Variants in UGT1A4 observed in about 807,000 individuals in gnomAD.
UGT1A4 encodes UDP-glucuronosyltransferase 1A4.
UGT1A4 carries 32 observed loss-of-function variants against 41.1 expected under a neutral mutation model. That is an observed-to-expected ratio of 0.78 (90% CI 0.59 to 1.05). The LOEUF is 1.05. Ranked by LOEUF, UGT1A4 falls within the 50% of genes least tolerant of loss-of-function variation. UGT1A4 has a pLI of 0.00. For synonymous variants in UGT1A4, 283 were observed against 265.1 expected (o/e 1.07, Z -0.66); for missense variants, 748 against 677.4 (o/e 1.10, Z -1.16).
intron 1 of UGT1A4, chr2:233,729,420 A>G (rs2077855113): frequency 5.6e-6 from 9 of 1,613,854 alleles, no homozygotes; most frequent in Middle Eastern, 1.7e-4. Flanking sequence ...GCCACACTCA[A>G]CTGTACTTTG....
At chr2:233,741,883 TAGA>T (rs1422759422) in intron 1 of UGT1A4, 4 of 151,920 alleles carry the variant, frequency 2.6e-5, no homozygotes, top group Admixed American at 2.0e-4. Context: ...GAGGTGACCC[TAGA>T]AGAAGGGACC....
chr2:233,725,079 C>A lies in UGT1A4; in HGVS notation c.867+5392C>A, dbSNP rs370992455. ...GCGCGCGCCTGCAATCGCAGGCACT[C>A]GGCAGGCTGAGGCAGGAGAATCAGG... On this transcript the variant is annotated intron_variant, in intron 1 of 4. Transcript: ENST00000373409. 3.5e-5 allele frequency among the ~76,000 whole-genome samples: 5 copies of A among 144,208 alleles called. 1 individual carries two copies. Among genetic ancestry groups the A allele is most frequent in the Admixed American group, 7.0e-5 (1 of 14,340 alleles). 94.6% of individuals were successfully genotyped at this position (144,208 alleles called of 152,430 possible).
chr2:233,767,839 C>T lies in UGT1A4; in HGVS notation c.1000-10C>T. 6.2e-7 allele frequency: 1 copy of T among 1,614,144 alleles called. No homozygotes were observed. Among genetic ancestry groups the T allele is most frequent in the South Asian group, 1.1e-5 (1 of 91,080 alleles). ...CTTTCTTTACGTTCTGCTCTTTTTG[C>T]CCCTCCCAGGTCCTGTGGCGGTACA... On this transcript the variant is annotated splice_polypyrimidine_tract_variant and intron_variant, in intron 2 of 4. Transcript: ENST00000373409.
At chr2:233,741,857 T>C (rs1691796983) in intron 1 of UGT1A4, 1 of 151,956 alleles carries the variant, frequency 6.6e-6, no homozygotes, top group Non-Finnish European at 1.5e-5. Flanking sequence ...TCATGCCTTA[T>C]GCAAACCTTT....
intron 1 of UGT1A4, among the ~76,000 whole-genome samples, chr2:233,746,235 C>A (rs565676121): frequency 6.6e-6 from 1 of 151,714 alleles, no homozygotes; most frequent in South Asian, 2.1e-4. Flanking sequence ...ATGCAAACTG[C>A]TAAAAGATAC....
chr2:233,758,651 G>A (rs1039863868), intron 1 of UGT1A4, among the ~76,000 whole-genome samples: 3 of 151,900 alleles, frequency 2.0e-5, no homozygotes, highest in African/African-American at 7.3e-5. Context: ...AGAATGAGAG[G>A]GTACCCTAAT....
chr2:233,747,280 C>A, intron 1 of UGT1A4: 3 of 1,599,268 alleles, frequency 1.9e-6, no homozygotes, highest in Non-Finnish European at 2.6e-6. Flanking sequence ...TCTCAGTGCC[C>A]AGCCCTGGGC....
intron 1 of UGT1A4, chr2:233,747,837 C>A: frequency 1.9e-6 from 3 of 1,613,500 alleles, no homozygotes; most frequent in African/African-American, 1.3e-5. Flanking sequence ...GACATTCCTG[C>A]AAAGGGTCAA....
rs1358825451 is a variant in UGT1A4, at chr2:233,772,781, A to T, written c.*222A>T. ...TATCGTGCCCCCTCTGGTGTCTTTG[A>T]TCAGGATGACATGTGCCATTTTTCA... On this transcript the variant is annotated 3_prime_UTR_variant, in exon 5 of 5. Transcript: ENST00000373409. The T allele has an allele frequency of 2.3e-6, 3 of 1,287,486 alleles. No homozygotes were observed. Among genetic ancestry groups the T allele is most frequent in the Non-Finnish European group, 3.1e-6 (3 of 975,386 alleles). The allele number at this position is 1,287,486 out of a possible 1,614,324, so 79.8% of individuals were successfully genotyped here.
chr2:233,738,530 G>A (rs1226975410), intron 1 of UGT1A4, among the ~76,000 whole-genome samples: 4 of 152,208 alleles, frequency 2.6e-5, no homozygotes, highest in African/African-American at 9.6e-5. Flanking sequence ...GGACAATGAA[G>A]TCCAGGCTGA....
At chr2:233,731,482 G>C (rs562723642) in intron 1 of UGT1A4, among the ~76,000 whole-genome samples, 2 of 152,088 alleles carry the variant, frequency 1.3e-5, no homozygotes, top group Non-Finnish European at 2.9e-5. Flanking sequence ...TCCCTGGCCT[G>C]TGTCCAGTGT....
chr2:233,727,623 G>T (rs2077633696), intron 1 of UGT1A4, among the ~76,000 whole-genome samples: 1 of 152,148 alleles, frequency 6.6e-6, no homozygotes. Flanking sequence ...AGGCTGAGAG[G>T]TTGCACCCAC....
At chr2:233,738,796 A>G (rs1559382708) in intron 1 of UGT1A4, among the ~76,000 whole-genome samples, 1 of 152,236 alleles carries the variant, frequency 6.6e-6, no homozygotes, top group Admixed American at 6.5e-5. Flanking sequence ...CAGATGCAGA[A>G]ATACTAGCTA....
At chr2:233,730,184 G>T (rs1575587766) in intron 1 of UGT1A4, among the ~76,000 whole-genome samples, 1 of 152,132 alleles carries the variant, frequency 6.6e-6, no homozygotes, top group South Asian at 2.1e-4. Context: ...GTTTTAAATG[G>T]TCACTGAGAG....
At position 233,769,446 on chromosome 2, in the gene UGT1A4, C is replaced by T. The variant is rs1239046634; in HGVS notation, c.1307+1007C>T. 4 of 1,588,334 alleles carry T rather than the reference C, an allele frequency of 2.5e-6. No homozygotes were observed. The highest frequency in any genetic ancestry group is 3.4e-6 in the Non-Finnish European group (4 of 1,161,110). On this transcript the variant is annotated intron_variant, in intron 4 of 4. Coordinates refer to ENST00000373409, the MANE Select transcript of UGT1A4 (RefSeq NM_007120.3). This position sits in a 1 kb window ranked among gnomAD's most constrained non-coding sequence, Gnocchi z 4.4. ...GTGGCTGTGCTCATGTGTGGGTGCA[C>T]ACGTGTGCATTCATATGCGTGTGTG...
chr2:233,728,331 C>T (rs1305680742), intron 1 of UGT1A4, among the ~76,000 whole-genome samples: 2 of 152,328 alleles, frequency 1.3e-5, no homozygotes, highest in South Asian at 2.1e-4. Flanking sequence ...CTCCAGCTCC[C>T]CCAGTCCCTT....
rs1694565729 is a variant in UGT1A4, at chr2:233,750,814, C to T, written c.868-16220C>T. 2.0e-5 allele frequency: 3 copies of T among 151,858 alleles called. No individual in the cohort carries two copies. In the South Asian group the frequency reaches 6.2e-4, roughly 31 times the overall value. The allele number at this position is 151,858 out of a possible 1,614,324, so 9.4% of individuals were successfully genotyped here. A position where few individuals can be genotyped will look rare whatever the true frequency, so the allele number is the denominator to read the frequency against. On this transcript the variant is annotated intron_variant, in intron 1 of 4. Coordinates refer to ENST00000373409, the MANE Select transcript of UGT1A4 (RefSeq NM_007120.3). ...ATAAGAATTTAGGTTTGGGAACCTCCACATAAATTTGAGAGGATGTAAGGA... is the reference window on the plus strand; with the variant it reads ...ATAAGAATTTAGGTTTGGGAACCTCTACATAAATTTGAGAGGATGTAAGGA...
chr2:233,768,052 A>T, intron 3 of UGT1A4, 116 bp downstream of exon 3: 1 of 1,605,578 alleles, frequency 6.2e-7, no homozygotes, highest in South Asian at 1.1e-5. Context: ...AACATATCCT[A>T]CATTGCTTTT....
At chr2:233,728,368 C>G (rs1168371708) in intron 1 of UGT1A4, among the ~76,000 whole-genome samples, 11 of 152,282 alleles carry the variant, frequency 7.2e-5, no homozygotes, top group African/African-American at 2.2e-4. Context: ...CTGAACCCAC[C>G]ATGGGTCTTT....
Sources: allele counts gnomAD v4.1 joint callset (sites outside exome capture counted in the v4.1 genomes callset), GRCh38; gene constraint gnomAD v4.1.1; non-coding constraint Gnocchi (gnomAD v3.1); transcripts MANE v1.5; gene names NCBI Gene and HGNC (gene_info 2026-07-23, HGNC 2026-07-21).